WDR47: variants seen among roughly 807,000 people sequenced by gnomAD.
The protein encoded by WDR47 is WD repeat-containing protein 47.
Under a neutral mutation model 97.2 loss-of-function variants are expected in WDR47, and 32 were observed. The observed-to-expected ratio is 0.33, with a 90% CI of 0.25 to 0.44. WDR47 has a LOEUF of 0.44. Ranked by LOEUF, WDR47 falls within the 20% of genes least tolerant of loss-of-function variation. The probability of loss-of-function intolerance (pLI) is 1.00; values close to 1 mark genes in which losing one functional copy is unlikely to be tolerated. For missense variants in WDR47, 782 were observed against 1,102.3 expected (o/e 0.71, Z 4.11); for synonymous variants, 375 against 373.5 (o/e 1.00, Z -0.05).
intron 2 of WDR47, among the ~76,000 whole-genome samples, chr1:109,020,059 C>T (rs998217241): frequency 6.6e-6 from 1 of 150,498 alleles, no homozygotes; most frequent in African/African-American, 2.4e-5. Flanking sequence ...CAGCCAAGGG[C>T]AATATAGCAA....
intron 8 of WDR47, chr1:108,992,293 T>C (rs1000214420): frequency 8.8e-5 from 73 of 832,266 alleles, no homozygotes; most frequent in Non-Finnish European, 1.4e-4. Context: ...TGGTTCGCTA[T>C]TCACTTGACC....
intron 7 of WDR47, among the ~76,000 whole-genome samples, chr1:108,997,901 G>A (rs1013274026): frequency 6.6e-6 from 1 of 151,966 alleles, no homozygotes; most frequent in Non-Finnish European, 1.5e-5. Context: ...ACTAACACAG[G>A]GAGTACAATT....
At chr1:108,975,253 A>G (rs1292374650) in intron 13 of WDR47, among the ~76,000 whole-genome samples, 1 of 152,134 alleles carries the variant, frequency 6.6e-6, no homozygotes, top group African/African-American at 2.4e-5. Context: ...ATTCAGGGCA[A>G]CTTGAATCCT....
intron 7 of WDR47, among the ~76,000 whole-genome samples, chr1:108,996,682 A>T (rs1208559407): frequency 6.6e-6 from 1 of 152,234 alleles, no homozygotes; most frequent in Admixed American, 6.5e-5. Context: ...TCTAGACAAT[A>T]GGGAGATAAA....
rs1412158968 is a variant in WDR47 at position 108,970,369 on chromosome 1, A to AT, written c.*1060dup. On this transcript the variant is annotated 3_prime_UTR_variant, in exon 15 of 15. Coordinates refer to ENST00000369962, the MANE Select transcript of WDR47 (RefSeq NM_001142551.2). The stretch of plus-strand genomic sequence containing the variant: ...TACAACTGCATTTGAAATAAATAAA[A>AT]TAGCCTATTTAAATAATTTAAAGTA... 2 of 152,642 alleles carry AT rather than the reference A, an allele frequency of 1.3e-5. No homozygotes were observed. The highest frequency in any genetic ancestry group is 4.8e-5 in the African/African-American group (2 of 41,464). The allele number at this position is 152,642 out of a possible 1,614,324, so 9.5% of individuals were successfully genotyped here.
intron 2 of WDR47, 85 bp from the exon 3 acceptor site, chr1:109,017,686 CA>C: frequency 1.0e-6 from 1 of 974,232 alleles, no homozygotes. Context: ...AAACAGCATT[CA>C]AACTTCATAA....
At chr1:109,035,499 ATTTT>A (rs773014772) in intron 1 of WDR47, among the ~76,000 whole-genome samples, 2 of 143,918 alleles carry the variant, frequency 1.4e-5, no homozygotes, top group Non-Finnish European at 3.1e-5. Flanking sequence ...CAATTTTTAA[ATTTT>A]TTTTTTTTTT....
In WDR47 at chr1:109,025,373, G is replaced by T. The variant is rs1009710688; in HGVS notation, c.-9-1852C>A. 2.7e-5 allele frequency among the ~76,000 whole-genome samples: 4 copies of T among 148,240 alleles called. No individual in the cohort carries two copies. The East Asian group carries it at 6.0e-4, about 22-fold the overall frequency. On this transcript the variant is annotated intron_variant, in intron 1 of 14. Coordinates refer to ENST00000369962, the MANE Select transcript of WDR47 (RefSeq NM_001142551.2). The stretch of plus-strand genomic sequence containing the variant: ...TGGAGCCCCAGAAGTTGAGGCTACA[G>T]TGAGCGGTGATCATACCACTGCACT...
chr1:108,988,860 C>T (rs866957860), intron 9 of WDR47, among the ~76,000 whole-genome samples: 11 of 151,876 alleles, frequency 7.2e-5, no homozygotes, highest in South Asian at 2.1e-4. Flanking sequence ...CAAGTTCAAG[C>T]GATTCTCCTG....
At chr1:109,033,464 C>CT (rs1331939277) in intron 1 of WDR47, among the ~76,000 whole-genome samples, 1 of 152,144 alleles carries the variant, frequency 6.6e-6, no homozygotes, top group African/African-American at 2.4e-5. Flanking sequence ...TGCTCAACCT[C>CT]AATAATAGTT....
At chr1:108,980,844 G>A (rs1658283091) in intron 13 of WDR47, among the ~76,000 whole-genome samples, 1 of 151,942 alleles carries the variant, frequency 6.6e-6, no homozygotes, top group South Asian at 2.1e-4. Context: ...GTGGTACAAT[G>A]CAGCCAGGAG....
chr1:108,992,266 G>C, intron 8 of WDR47: 2 of 903,276 alleles, frequency 2.2e-6, no homozygotes, highest in Non-Finnish European at 3.8e-6. Context: ...GAAGCAGCCT[G>C]AGGTAATCTG....
Position 109,030,825 on chromosome 1 carries a change from T to C in WDR47, c.-9-7304A>G, listed in dbSNP as rs557388780. Among the ~76,000 whole-genome samples the C allele has an allele frequency of 1.5e-5, 2 of 137,484 alleles. 1 individual carries two copies. Among genetic ancestry groups the C allele is most frequent in the South Asian group, 4.6e-4 (2 of 4,304 alleles). The allele number at this position is 137,484 out of a possible 152,430, so 90.2% of individuals were successfully genotyped here. A position where few individuals can be genotyped will look rare whatever the true frequency, so the allele number is the denominator to read the frequency against. ...TAATAACATGGCATTCAAAAAACTT[T>C]ATGTTGCTGCCAGGTCATTTAATTT... On this transcript the variant is annotated intron_variant, in intron 1 of 14. Coordinates refer to ENST00000369962, the MANE Select transcript of WDR47 (RefSeq NM_001142551.2).
chr1:109,001,377 G>C (rs189917933), intron 7 of WDR47, among the ~76,000 whole-genome samples: 2 of 151,926 alleles, frequency 1.3e-5, no homozygotes, highest in South Asian at 2.1e-4. Context: ...CCTATAATTG[G>C]AAACAATAAA....
At position 109,011,670 on chromosome 1, in the gene WDR47, C is replaced by G; in HGVS notation, c.376G>C (p.Glu126Gln). 6.2e-7 allele frequency: 1 copy of G among 1,613,572 alleles called. No homozygotes were observed. Among genetic ancestry groups the G allele is most frequent in the Non-Finnish European group, 8.5e-7 (1 of 1,179,750 alleles). The change falls in exon 5 of 15, where the codon GAA becomes CAA. Residue 126 changes from glutamate to glutamine, a missense_variant. Around this residue, in one of 3 missense-constraint regions of WDR47, gnomAD observed 428 missense variants for 584.3 expected, o/e 0.73. Coordinates refer to ENST00000369962, the MANE Select transcript of WDR47 (RefSeq NM_001142551.2). ...EAVQCLHALE[E>Q]YCPSKDDYSK... ...TAGTCATCTTTAGAAGGACAGTATT[C>G]TTCTAGAGCATGTAAACATTGCACA...
intron 1 of WDR47, among the ~76,000 whole-genome samples, chr1:109,034,249 T>C (rs1225889657): frequency 3.3e-5 from 5 of 152,214 alleles, no homozygotes; most frequent in Non-Finnish European, 7.3e-5. Flanking sequence ...GATCACGCCA[T>C]TGCCCTCTGG....
chr1:108,986,664 T>G lies in WDR47; in HGVS notation c.1784A>C (p.Lys595Thr), dbSNP rs199887849. The G allele has an allele frequency of 6.2e-7, 1 of 1,603,294 alleles. No individual in the cohort carries two copies. Among genetic ancestry groups the G allele is most frequent in the Non-Finnish European group, 8.5e-7 (1 of 1,176,388 alleles). Residue 595 changes from lysine (K) to threonine (T), a missense_variant, in exon 10 of 15, where the codon AAG becomes ACG. By Grantham distance (78) the Lys-to-Thr change is moderately conservative. This residue lies in a region of WDR47 where 126 missense variants were observed against 121.3 expected (regional missense o/e 1.04). Coordinates refer to ENST00000369962, the MANE Select transcript of WDR47 (RefSeq NM_001142551.2). ...TAGGATATTAATACAAACAAACTGC[T>G]TTTTTGATTTGTCATCCTATGGAAA... is the stretch of plus-strand genomic sequence containing the variant. ...SKGEEDDKSK[K>T]QFVCINILED...
At chr1:109,007,874 T>G (rs531101825) in intron 5 of WDR47, among the ~76,000 whole-genome samples, 1 of 151,544 alleles carries the variant, frequency 6.6e-6, no homozygotes, top group African/African-American at 2.4e-5. Context: ...GAGGCCGAGG[T>G]GGGCAGATCA....
chr1:109,016,849 C>A (rs516371), intron 3 of WDR47, among the ~76,000 whole-genome samples: 35,007 of 151,280 alleles, frequency 0.23, 4,216 homozygotes, highest in Admixed American at 0.3. Context: ...AGAAACTGAG[C>A]CTGATATAAG....
Sources: allele counts gnomAD v4.1 joint callset (sites outside exome capture counted in the v4.1 genomes callset), GRCh38; gene constraint gnomAD v4.1.1; regional missense constraint gnomAD v4.1.1; transcripts MANE v1.5; gene names NCBI Gene and HGNC (gene_info 2026-07-23, HGNC 2026-07-21).